ANKHD1: variants seen among roughly 807,000 people sequenced by gnomAD.
ANKHD1 encodes the protein ankyrin repeat and KH domain containing 1.
In ANKHD1, 31 loss-of-function variants were observed where a neutral mutation model predicts 230.5. The observed-to-expected ratio is 0.13, with a 90% CI of 0.10 to 0.18. The LOEUF (loss-of-function observed/expected upper bound fraction) is 0.18. Among genes scored for constraint, ANKHD1 ranks in the 10% least tolerant of loss-of-function variants. ANKHD1 has a pLI of 1.00. For synonymous variants in ANKHD1, 1,074 were observed against 1,117.6 expected (o/e 0.96, Z 0.78); for missense variants, 2,256 against 3,071.3 (o/e 0.73, Z 6.27).
chr5:140,417,766 A>G (rs1159248349), intron 1 of ANKHD1, among the ~76,000 whole-genome samples: 1 of 145,012 alleles, frequency 6.9e-6, no homozygotes, highest in Non-Finnish European at 1.5e-5. Context: ...GTTACTTTTT[A>G]TTGTGATATA....
At chr5:140,427,472 C>T in intron 1 of ANKHD1, among the ~76,000 whole-genome samples, 1 of 128,618 alleles carries the variant, frequency 7.8e-6, no homozygotes, top group Non-Finnish European at 1.7e-5. Context: ...GGCAGAGGGG[C>T]TCCTCACTTC....
intron 1 of ANKHD1, among the ~76,000 whole-genome samples, chr5:140,407,755 A>G (rs1770587558): frequency 6.6e-6 from 1 of 152,214 alleles, no homozygotes; most frequent in South Asian, 2.1e-4. Flanking sequence ...GCAAATCGAA[A>G]TAAAAATACA....
At chr5:140,475,522 T>G (rs1018586663) in intron 10 of ANKHD1, among the ~76,000 whole-genome samples, 1 of 152,064 alleles carries the variant, frequency 6.6e-6, no homozygotes, top group Non-Finnish European at 1.5e-5. Context: ...TAGCAAATTG[T>G]CATATCCAGG....
chr5:140,474,629 C>A (rs1750866170), intron 10 of ANKHD1, among the ~76,000 whole-genome samples: 1 of 130,462 alleles, frequency 7.7e-6, no homozygotes, highest in Non-Finnish European at 1.6e-5. Flanking sequence ...GATGGTCTCA[C>A]TTTGTCGCTC....
chr5:140,473,439 T>A (rs1750779037), intron 10 of ANKHD1, among the ~76,000 whole-genome samples: 1 of 151,954 alleles, frequency 6.6e-6, no homozygotes, highest in Non-Finnish European at 1.5e-5. Context: ...TTTTAAAAAT[T>A]TTTTAAATTT....
chr5:140,420,468 TA>T (rs1391778387), intron 1 of ANKHD1, among the ~76,000 whole-genome samples: 1 of 152,208 alleles, frequency 6.6e-6, no homozygotes, highest in Non-Finnish European at 1.5e-5. Context: ...TTTTAGCTCT[TA>T]CATTTAGGTC....
Position 140,462,476 on chromosome 5 carries a change from G to A in ANKHD1, c.1673-2191G>A, listed in dbSNP as rs577479463. Among the ~76,000 whole-genome samples the A allele has an allele frequency of 3.3e-5, 5 of 151,696 alleles. No homozygotes were observed. In the South Asian group the frequency reaches 1.0e-3, roughly 32 times the overall value. On this transcript the variant is annotated intron_variant, in intron 9 of 33. Coordinates refer to ENST00000360839, the MANE Select transcript of ANKHD1 (RefSeq NM_017747.3). ...GCCAGGCGTGGTGGCTGTAATCCCAGCACTTTGGGATGCCGAGGTGGGCGG... is the reference window on the plus strand; with the variant it reads ...GCCAGGCGTGGTGGCTGTAATCCCAACACTTTGGGATGCCGAGGTGGGCGG...
chr5:140,441,522 G>A (rs79611126), intron 5 of ANKHD1, among the ~76,000 whole-genome samples: 3,031 of 151,992 alleles, frequency 0.02, 104 homozygotes, highest in African/African-American at 0.069. Flanking sequence ...ACAGTCTTAT[G>A]GACATAGGTA....
chr5:140,483,098 C>A (rs1751354601), intron 11 of ANKHD1, among the ~76,000 whole-genome samples: 2 of 152,004 alleles, frequency 1.3e-5, no homozygotes, highest in Non-Finnish European at 2.9e-5. Flanking sequence ...TTTAGAAATT[C>A]TATTATTAGA....
chr5:140,526,484 T>C, intron 26 of ANKHD1, 41 bp downstream of exon 26: 1 of 1,556,036 alleles, frequency 6.4e-7, no homozygotes, highest in South Asian at 1.2e-5. Context: ...GCACCTTTCC[T>C]TCTTCATGCC....
chr5:140,468,028 G>T (rs1161198082), intron 10 of ANKHD1, among the ~76,000 whole-genome samples: 6 of 119,058 alleles, frequency 5.0e-5, no homozygotes, highest in African/African-American at 2.0e-4. Flanking sequence ...TATGTTCTCA[G>T]TTTAAGGTTT....
intron 2 of ANKHD1, among the ~76,000 whole-genome samples, chr5:140,438,065 T>C (rs1447520801): frequency 1.3e-5 from 2 of 152,208 alleles, no homozygotes; most frequent in African/African-American, 4.8e-5. Flanking sequence ...TGTTACAGTA[T>C]TACAGACTGT....
chr5:140,438,871 C>G (rs973138718), intron 3 of ANKHD1, among the ~76,000 whole-genome samples: 1 of 152,206 alleles, frequency 6.6e-6, no homozygotes, highest in Non-Finnish European at 1.5e-5. Context: ...GAAATCCAAA[C>G]TGAATAAGAT....
At chr5:140,437,108 T>C (rs187021671) in intron 2 of ANKHD1, among the ~76,000 whole-genome samples, 19 of 152,352 alleles carry the variant, frequency 1.2e-4, no homozygotes, top group Non-Finnish European at 2.5e-4. Flanking sequence ...TTGTTATAAA[T>C]GAAGTAGGAA....
chr5:140,443,680 TAA>T (rs572970598), intron 5 of ANKHD1, among the ~76,000 whole-genome samples: 27 of 104,794 alleles, frequency 2.6e-4, no homozygotes, highest in South Asian at 2.9e-4. Context: ...ACTCCGTCTA[TAA>T]AAAAAAAAAA....
Position 140,438,515 on chromosome 5 carries a change from T to C in ANKHD1, c.515T>C (p.Leu172Pro), listed in dbSNP as rs1581246518. 6.2e-7 allele frequency: 1 copy of C among 1,613,490 alleles called. No homozygotes were observed. Among genetic ancestry groups the C allele is most frequent in the Non-Finnish European group, 8.5e-7 (1 of 1,179,604 alleles). Residue 172 changes from leucine to proline, a missense_variant, in exon 3 of 34, where the codon CTC becomes CCC. Leu to Pro is a moderately conservative substitution (Grantham distance 98, BLOSUM62 -3). Transcript: ENST00000360839. ...DGKAFADPEV[L>P]RRLTSSVSCA... ...AAAGCTTTTGCAGATCCTGAGGTAC[T>C]CCGGAGACTGACATCCTCAGTTAGT...
intron 20 of ANKHD1, among the ~76,000 whole-genome samples, chr5:140,509,377 A>T (rs1229051073): frequency 6.6e-6 from 1 of 152,240 alleles, no homozygotes; most frequent in Non-Finnish European, 1.5e-5. Context: ...AAAGTATAGA[A>T]GTTACAGAAT....
chr5:140,533,392 A>AT (rs1753924082), intron 29 of ANKHD1, among the ~76,000 whole-genome samples: 1 of 152,108 alleles, frequency 6.6e-6, no homozygotes, highest in Non-Finnish European at 1.5e-5. Flanking sequence ...AGGTCAGGAG[A>AT]TCGAGACCAT....
intron 1 of ANKHD1, among the ~76,000 whole-genome samples, chr5:140,415,807 C>CT (rs750800973): frequency 6.6e-6 from 1 of 151,550 alleles, no homozygotes; most frequent in Non-Finnish European, 1.5e-5. Flanking sequence ...TTTTATTATA[C>CT]TTTAAGTTCT....
Sources: allele counts gnomAD v4.1 joint callset (sites outside exome capture counted in the v4.1 genomes callset), GRCh38; gene constraint gnomAD v4.1.1; transcripts MANE v1.5; gene names NCBI Gene and HGNC (gene_info 2026-07-23, HGNC 2026-07-21).